The following ST8SIA4 variants were observed in gnomAD, a reference collection of about 807,000 sequenced individuals.
ST8SIA4 encodes CMP-N-acetylneuraminate-poly-alpha-2,8-sialyltransferase.
ST8SIA4 carries 15 observed loss-of-function variants against 33.9 expected under a neutral mutation model. The observed-to-expected ratio is 0.44, with a 90% CI of 0.30 to 0.68. ST8SIA4 has a LOEUF of 0.68. Among genes scored for constraint, ST8SIA4 ranks in the 30% least tolerant of loss-of-function variants. ST8SIA4 has a pLI of 0.10. For synonymous variants in ST8SIA4, 171 were observed against 151.2 expected (o/e 1.13, Z -0.96); for missense variants, 321 against 428.0 (o/e 0.75, Z 2.21).
At chr5:100,855,505 G>A (rs1257709249) in intron 4 of ST8SIA4, among the ~76,000 whole-genome samples, 1 of 152,196 alleles carries the variant, frequency 6.6e-6, no homozygotes, top group Non-Finnish European at 1.5e-5. Flanking sequence ...GTGTGCATGA[G>A]TGAATTTGGC....
chr5:100,829,666 T>C (rs1751211447), intron 4 of ST8SIA4, among the ~76,000 whole-genome samples: 1 of 152,042 alleles, frequency 6.6e-6, no homozygotes, highest in Non-Finnish European at 1.5e-5. Context: ...TCCCAGCACT[T>C]TGGGAGGCCG....
intron 3 of ST8SIA4, among the ~76,000 whole-genome samples, chr5:100,871,094 C>A (rs1752189202): frequency 6.6e-6 from 1 of 152,070 alleles, no homozygotes; most frequent in African/African-American, 2.4e-5. Context: ...TAAGGGAATA[C>A]ATATCCTCTG....
At chr5:100,896,675 C>T (rs1012296106) in intron 1 of ST8SIA4, among the ~76,000 whole-genome samples, 11 of 152,142 alleles carry the variant, frequency 7.2e-5, no homozygotes, top group Non-Finnish European at 1.3e-4. Context: ...AGAAACTTCA[C>T]ATTGTATCCC....
At chr5:100,898,546 G>T (rs558593227) in intron 1 of ST8SIA4, among the ~76,000 whole-genome samples, 1 of 152,200 alleles carries the variant, frequency 6.6e-6, no homozygotes, top group Admixed American at 6.5e-5. Context: ...TCACTGGAAA[G>T]AATTTTGAAT....
chr5:100,838,350 G>A (rs1751405669), intron 4 of ST8SIA4, among the ~76,000 whole-genome samples: 1 of 151,924 alleles, frequency 6.6e-6, no homozygotes, highest in Admixed American at 6.6e-5. Flanking sequence ...AGTAGGCCAA[G>A]TCAAACTGTG....
chr5:100,836,993 AAAAC>A (rs1022045891), intron 4 of ST8SIA4, among the ~76,000 whole-genome samples: 3 of 92,716 alleles, frequency 3.2e-5, no homozygotes, highest in Non-Finnish European at 4.7e-5. Context: ...CATTAGTGCT[AAAAC>A]ACACACACAC....
chr5:100,827,215 T>C (rs1262164686), intron 4 of ST8SIA4, among the ~76,000 whole-genome samples: 2 of 152,190 alleles, frequency 1.3e-5, no homozygotes, highest in East Asian at 3.8e-4. Flanking sequence ...ATAAGTTCAA[T>C]ATCAAGAAAT....
chr5:100,837,005 C>T (rs1375446956), intron 4 of ST8SIA4, among the ~76,000 whole-genome samples: 1 of 151,184 alleles, frequency 6.6e-6, no homozygotes, highest in African/African-American at 2.4e-5. Flanking sequence ...AACACACACA[C>T]ACACACACAC....
intron 3 of ST8SIA4, among the ~76,000 whole-genome samples, chr5:100,881,330 T>A (rs1258422976): frequency 6.6e-6 from 1 of 152,224 alleles, no homozygotes; most frequent in East Asian, 1.9e-4. Context: ...GCATATATTC[T>A]TATATAATAA....
At position 100,840,723 on chromosome 5, in the gene ST8SIA4, C is replaced by T. The variant is rs539711931; in HGVS notation, c.797+15380G>A. On this transcript the variant is annotated intron_variant, in intron 4 of 4. Transcript: ENST00000231461. The stretch of plus-strand genomic sequence containing the variant: ...GAGCTTTCTGTCTTCCTTAGGGTCT[C>T]TTTTCCAGTCAGCCTACATTCTTTC... Among the ~76,000 whole-genome samples, 8 of 151,678 alleles carry T rather than the reference C, an allele frequency of 5.3e-5. No homozygotes were observed. The East Asian group carries it at 1.5e-3, about 29-fold the overall frequency.
intron 3 of ST8SIA4, among the ~76,000 whole-genome samples, chr5:100,869,196 A>T (rs1752144062): frequency 6.6e-6 from 1 of 152,308 alleles, no homozygotes; most frequent in East Asian, 1.9e-4. Context: ...GAAAGTTATA[A>T]TTACATATAA....
chr5:100,857,449 G>A (rs1225992006), intron 3 of ST8SIA4, among the ~76,000 whole-genome samples: 3 of 151,612 alleles, frequency 2.0e-5, no homozygotes, highest in Admixed American at 2.0e-4. Context: ...TAAAAGAAAA[G>A]TTAGATTTTG....
intron 4 of ST8SIA4, among the ~76,000 whole-genome samples, chr5:100,849,709 C>G (rs1188705399): frequency 6.6e-6 from 1 of 151,954 alleles, no homozygotes; most frequent in African/African-American, 2.4e-5. Flanking sequence ...AAGAATCAAT[C>G]GCTCGAACTC....
At chr5:100,883,099 T>A (rs1344839007) in intron 3 of ST8SIA4, among the ~76,000 whole-genome samples, 2 of 152,110 alleles carry the variant, frequency 1.3e-5, no homozygotes, top group African/African-American at 4.8e-5. Flanking sequence ...ACCGTTTGCC[T>A]GGAAAAGCCG....
intron 3 of ST8SIA4, among the ~76,000 whole-genome samples, chr5:100,876,508 G>A (rs578231793): frequency 8.6e-5 from 13 of 151,984 alleles, no homozygotes; most frequent in East Asian, 3.9e-4. Context: ...GGGTACTGCC[G>A]GACAAGAAGT....
chr5:100,829,705 C>G (rs1218078755), intron 4 of ST8SIA4, among the ~76,000 whole-genome samples: 1 of 152,022 alleles, frequency 6.6e-6, no homozygotes, highest in Non-Finnish European at 1.5e-5. Context: ...GTCAGGAGAT[C>G]GAGACCATCC....
intron 3 of ST8SIA4, among the ~76,000 whole-genome samples, chr5:100,868,343 GTGTGCA>G (rs1752122234): frequency 6.6e-6 from 1 of 151,968 alleles, no homozygotes; most frequent in Non-Finnish European, 1.5e-5. Flanking sequence ...TTCCATATTT[GTGTGCA>G]TGTGTAGTAG....
At chr5:100,813,574 T>G (rs1295675513) in intron 4 of ST8SIA4, among the ~76,000 whole-genome samples, 1 of 152,000 alleles carries the variant, frequency 6.6e-6, no homozygotes, top group Non-Finnish European at 1.5e-5. Context: ...AGCAAAACCA[T>G]AACTCATACA....
intron 4 of ST8SIA4, among the ~76,000 whole-genome samples, chr5:100,853,997 G>C (rs73775453): frequency 2.1e-4 from 5 of 24,090 alleles, no homozygotes; most frequent in African/African-American, 4.0e-4. Context: ...GTGTGTGTGT[G>C]TGTGTGTGTG....
Sources: allele counts gnomAD v4.1 joint callset (sites outside exome capture counted in the v4.1 genomes callset), GRCh38; gene constraint gnomAD v4.1.1; transcripts MANE v1.5; gene names NCBI Gene and HGNC (gene_info 2026-07-23, HGNC 2026-07-21).